ASIC2: variants seen among roughly 807,000 people sequenced by gnomAD.
The protein encoded by ASIC2 is acid sensing ion channel subunit 2.
A neutral mutation model predicts 57.3 loss-of-function variants in ASIC2; 25 were observed. The observed-to-expected ratio is 0.44, with a 90% confidence interval of 0.32 to 0.61. ASIC2 has a LOEUF of 0.61. Among genes scored for constraint, ASIC2 ranks in the 20% least tolerant of loss-of-function variants. ASIC2 has a pLI of 0.06. For missense variants in ASIC2, 641 were observed against 738.1 expected (o/e 0.87, Z 1.52); for synonymous variants, 319 against 307.5 (o/e 1.04, Z -0.39).
chr17:34,101,565 T>C (rs553887808), intron 1 of ASIC2, among the ~76,000 whole-genome samples: 8 of 152,286 alleles, frequency 5.3e-5, no homozygotes, highest in African/African-American at 1.9e-4. Context: ...TTTAATAATA[T>C]ATTTTATTTA....
At chr17:33,776,410 G>C (rs987629935) in intron 1 of ASIC2, among the ~76,000 whole-genome samples, 5 of 152,216 alleles carry the variant, frequency 3.3e-5, no homozygotes, top group Non-Finnish European at 5.9e-5. Context: ...CTGGCATCTT[G>C]GTCTTGGTTT....
intron 2 of ASIC2, among the ~76,000 whole-genome samples, chr17:33,090,373 T>C (rs755336215): frequency 2.0e-5 from 3 of 152,228 alleles, no homozygotes; most frequent in Non-Finnish European, 4.4e-5. Context: ...AGTTCTGGGC[T>C]GTCTCTCTGG....
At chr17:33,313,412 C>A (rs11651326) in intron 1 of ASIC2, among the ~76,000 whole-genome samples, 48,404 of 151,870 alleles carry the variant, frequency 0.32, 8,182 homozygotes, top group South Asian at 0.48. Flanking sequence ...CAAAATCTTT[C>A]TTTAACCACA....
intron 1 of ASIC2, among the ~76,000 whole-genome samples, chr17:34,087,080 T>C (rs895766809): frequency 6.6e-6 from 1 of 152,166 alleles, no homozygotes; most frequent in Non-Finnish European, 1.5e-5. Flanking sequence ...GATCCTGTCA[T>C]TATGATGTTA....
chr17:33,701,047 A>G (rs1908681977), intron 1 of ASIC2, among the ~76,000 whole-genome samples: 1 of 152,222 alleles, frequency 6.6e-6, no homozygotes, highest in Non-Finnish European at 1.5e-5. Flanking sequence ...AAAGTCACTG[A>G]GGTCACAGTA....
At chr17:33,794,956 G>A (rs988390814) in intron 1 of ASIC2, among the ~76,000 whole-genome samples, 2 of 152,116 alleles carry the variant, frequency 1.3e-5, no homozygotes, top group East Asian at 1.9e-4. Flanking sequence ...CCCCTTATCT[G>A]TAAGATAAGA....
intron 1 of ASIC2, chr17:34,143,045 T>G (rs1405089233): frequency 6.6e-6 from 1 of 152,208 alleles, no homozygotes; most frequent in Non-Finnish European, 1.5e-5. Context: ...TAAGAGAGAA[T>G]GAAGAATTAG....
intron 1 of ASIC2, among the ~76,000 whole-genome samples, chr17:33,156,979 C>T (rs540829274): frequency 6.6e-6 from 1 of 152,114 alleles, no homozygotes; most frequent in Admixed American, 6.5e-5. Context: ...CCTTCCCTTG[C>T]CTTGGGAAAT....
At chr17:33,438,145 C>T (rs893815249) in intron 1 of ASIC2, among the ~76,000 whole-genome samples, 3 of 152,150 alleles carry the variant, frequency 2.0e-5, no homozygotes, top group Non-Finnish European at 4.4e-5. Flanking sequence ...TCTACTTTAA[C>T]GATACCCAAT....
At chr17:33,771,612 G>A (rs1911114609) in intron 1 of ASIC2, among the ~76,000 whole-genome samples, 1 of 152,022 alleles carries the variant, frequency 6.6e-6, no homozygotes, top group Admixed American at 6.5e-5. Context: ...TGGAGTTTCT[G>A]GCACAGGCCT....
chr17:33,018,955 G>T (rs532034797), intron 7 of ASIC2, among the ~76,000 whole-genome samples: 1 of 152,284 alleles, frequency 6.6e-6, no homozygotes, highest in African/African-American at 2.4e-5. Context: ...GTGGGGTCCA[G>T]CACCCACATG....
intron 1 of ASIC2, among the ~76,000 whole-genome samples, chr17:33,620,550 T>C (rs1263546970): frequency 6.6e-6 from 1 of 152,236 alleles, no homozygotes; most frequent in African/African-American, 2.4e-5. Context: ...TGACAGCCTG[T>C]GAGAAGTGAA....
chr17:33,827,831 G>A (rs1269673261), intron 1 of ASIC2: 1 of 152,096 alleles, frequency 6.6e-6, no homozygotes, highest in East Asian at 1.9e-4. Flanking sequence ...TGGGTTTTAA[G>A]CCTTGTGTAC....
intron 1 of ASIC2, among the ~76,000 whole-genome samples, chr17:33,775,202 G>C (rs1386846074): frequency 1.3e-5 from 2 of 152,174 alleles, no homozygotes; most frequent in African/African-American, 4.8e-5. Flanking sequence ...GAGCTGGCTG[G>C]GAGGCTACTG....
intron 1 of ASIC2, among the ~76,000 whole-genome samples, chr17:33,532,117 C>A (rs561788716): frequency 6.6e-6 from 1 of 152,248 alleles, no homozygotes; most frequent in African/African-American, 2.4e-5. Flanking sequence ...GAACCAACAC[C>A]CAGTCTGTTC....
intron 1 of ASIC2, chr17:33,828,443 G>T (rs1296465725): frequency 1.3e-5 from 2 of 152,186 alleles, no homozygotes; most frequent in Non-Finnish European, 2.9e-5. Flanking sequence ...TGTGAGAAGT[G>T]ATCTTCCATC....
chr17:34,097,050 TA>T (rs1910573679), intron 1 of ASIC2, among the ~76,000 whole-genome samples: 1 of 151,784 alleles, frequency 6.6e-6, no homozygotes, highest in African/African-American at 2.4e-5. Context: ...ATAAGAATAA[TA>T]ATACTCTCTA....
chr17:34,151,510 A>T (rs1904525479), intron 1 of ASIC2, among the ~76,000 whole-genome samples: 1 of 152,202 alleles, frequency 6.6e-6, no homozygotes, highest in African/African-American at 2.4e-5. Flanking sequence ...AGGGGCTGGC[A>T]CAGGACAAGT....
intron 1 of ASIC2, among the ~76,000 whole-genome samples, chr17:33,316,997 G>C (rs1906683137): frequency 6.6e-6 from 1 of 152,238 alleles, no homozygotes; most frequent in South Asian, 2.1e-4. Context: ...CCTGGCTCCA[G>C]GACCAGCTTC....
Sources: gnomAD v4.1 joint callset for allele counts (sites outside exome capture counted in the v4.1 genomes callset) on GRCh38, gnomAD v4.1.1 for gene constraint, MANE v1.5 for transcripts, NCBI Gene and HGNC (gene_info 2026-07-23, HGNC 2026-07-21) for gene names.